Variants in PCDH15 observed in about 807,000 individuals in gnomAD.
The protein encoded by PCDH15 is protocadherin related 15.
In PCDH15, 129 loss-of-function variants were observed where a neutral mutation model predicts 178.5. The observed-to-expected ratio is 0.72, with a 90% CI of 0.63 to 0.84. The LOEUF is 0.84. Among genes scored for constraint, PCDH15 ranks in the 40% least tolerant of loss-of-function variants. PCDH15 has a pLI of 0.00. For synonymous variants in PCDH15, 800 were observed against 732.0 expected (o/e 1.09, Z -1.50); for missense variants, 2,230 against 2,099.9 (o/e 1.06, Z -1.21).
At chr10:55,204,585 T>C (rs1386576313) in intron 1 of PCDH15, among the ~76,000 whole-genome samples, 1 of 152,000 alleles carries the variant, frequency 6.6e-6, no homozygotes, top group East Asian at 1.9e-4. Flanking sequence ...CTGCTAAAGG[T>C]CTATAAGACC....
At chr10:55,624,544 T>A (rs988519080) in intron 2 of PCDH15, among the ~76,000 whole-genome samples, 1 of 152,182 alleles carries the variant, frequency 6.6e-6, no homozygotes, top group African/African-American at 2.4e-5. Context: ...TCTATTGATA[T>A]GTGATGCTGC....
chr10:54,298,989 T>C (rs540160424), intron 8 of PCDH15, among the ~76,000 whole-genome samples: 1 of 152,316 alleles, frequency 6.6e-6, no homozygotes, highest in African/African-American at 2.4e-5. Flanking sequence ...GGAACCCCCA[T>C]TAAATACCAC....
At chr10:54,650,504 G>A (rs368473821) in intron 2 of PCDH15, among the ~76,000 whole-genome samples, 19 of 152,248 alleles carry the variant, frequency 1.2e-4, no homozygotes, top group East Asian at 9.7e-4. Flanking sequence ...GTTACTATTA[G>A]TGACTGATGC....
chr10:53,960,473 C>T (rs1331588333), intron 22 of PCDH15, among the ~76,000 whole-genome samples: 2 of 152,208 alleles, frequency 1.3e-5, no homozygotes, highest in East Asian at 1.9e-4. Context: ...TAAGAAAAAG[C>T]TTTAGTGTTG....
chr10:55,499,752 C>CAGAA (rs1840614440), intron 2 of PCDH15, among the ~76,000 whole-genome samples: 2 of 151,658 alleles, frequency 1.3e-5, no homozygotes, highest in South Asian at 4.2e-4. Flanking sequence ...AAATAAAACT[C>CAGAA]TTCTAAGTTT....
In PCDH15 at chr10:54,337,268, T is replaced by TA. The variant is rs559738432; in HGVS notation, c.595-7563dup. Among the ~76,000 whole-genome samples, 871 of 152,206 alleles carry TA rather than the reference T, an allele frequency of 5.7e-3. 9 individuals are homozygous for TA. The highest frequency in any genetic ancestry group is 0.019 in the African/African-American group (797 of 41,524). On this transcript the variant is annotated intron_variant, in intron 6 of 37. Transcript: ENST00000644397. ...CTTTTGAGTTAATGATGAAATGAGT[T>TA]AAAACTTTGAGGGACTGTTGGTAAG...
chr10:54,490,595 T>C (rs1281777473), intron 3 of PCDH15, among the ~76,000 whole-genome samples: 1 of 152,150 alleles, frequency 6.6e-6, no homozygotes, highest in Non-Finnish European at 1.5e-5. Context: ...CACAGGTTTT[T>C]AAACTTTGCC....
chr10:55,514,897 C>A (rs1156318814), intron 2 of PCDH15, among the ~76,000 whole-genome samples: 1 of 149,618 alleles, frequency 6.7e-6, no homozygotes, highest in African/African-American at 2.5e-5. Context: ...CTTAGGTGGA[C>A]AATAGGACTG....
intron 2 of PCDH15, among the ~76,000 whole-genome samples, chr10:55,506,800 A>G (rs1020124431): frequency 4.0e-5 from 6 of 151,504 alleles, no homozygotes; most frequent in African/African-American, 1.2e-4. Flanking sequence ...AGTGGTGTCT[A>G]GTTCTCAATT....
chr10:55,069,248 GTTTTTT>G (rs80094733), intron 2 of PCDH15, among the ~76,000 whole-genome samples: 1 of 129,692 alleles, frequency 7.7e-6, no homozygotes, highest in Admixed American at 7.8e-5. Flanking sequence ...CTGGTATTTT[GTTTTTT>G]TTTTTTTTTT....
intron 2 of PCDH15, among the ~76,000 whole-genome samples, chr10:55,579,603 T>C (rs1210553251): frequency 1.3e-5 from 2 of 152,188 alleles, no homozygotes; most frequent in African/African-American, 2.4e-5. Context: ...TTAGGTATTA[T>C]GGAAGGAAGC....
intron 2 of PCDH15, among the ~76,000 whole-genome samples, chr10:55,504,597 G>C (rs1315040529): frequency 6.6e-6 from 1 of 150,974 alleles, no homozygotes; most frequent in Non-Finnish European, 1.5e-5. Flanking sequence ...AAACGAAGAA[G>C]TAGAATTTTT....
intron 6 of PCDH15, among the ~76,000 whole-genome samples, chr10:54,330,864 T>C (rs1293627276): frequency 6.6e-6 from 1 of 151,996 alleles, no homozygotes; most frequent in Admixed American, 6.6e-5. Flanking sequence ...GTTATTTTGT[T>C]CACTGAAATT....
chr10:54,688,460 G>T (rs929998707), intron 1 of PCDH15, among the ~76,000 whole-genome samples: 6 of 152,068 alleles, frequency 3.9e-5, no homozygotes, highest in Non-Finnish European at 7.4e-5. Flanking sequence ...TCTCACAGAA[G>T]TAGAATAAAC....
intron 5 of PCDH15, among the ~76,000 whole-genome samples, chr10:54,346,936 G>C (rs915322673): frequency 7.2e-5 from 11 of 152,238 alleles, no homozygotes; most frequent in African/African-American, 2.7e-4. Context: ...GTTTGAGAAA[G>C]AGAAATTGGA....
intron 8 of PCDH15, among the ~76,000 whole-genome samples, chr10:54,303,432 A>T (rs921972859): frequency 1.3e-5 from 2 of 152,070 alleles, no homozygotes; most frequent in African/African-American, 4.8e-5. Flanking sequence ...GTGTATATAT[A>T]TGCATATATA....
chr10:55,059,087 A>G (rs1248887941), intron 2 of PCDH15, among the ~76,000 whole-genome samples: 1 of 152,192 alleles, frequency 6.6e-6, no homozygotes, highest in Non-Finnish European at 1.5e-5. Flanking sequence ...CTGCTGCAAC[A>G]TGGTCACTGG....
At position 54,436,118 on chromosome 10, in the gene PCDH15, GGAAA is replaced by G. The variant is rs546608958; in HGVS notation, c.158-57180_158-57177del. On this transcript the variant is annotated intron_variant, in intron 3 of 37. Transcript: ENST00000644397. ...GGGAAGGAGGGAAGGAAGGAAAGAA[GGAAA>G]GAAAGAAAGAAAAAGAAAGAAAGAA... is the stretch of plus-strand genomic sequence containing the variant. Among the ~76,000 whole-genome samples the G allele has an allele frequency of 6.5e-3, 918 of 141,670 alleles. 2 individuals carry two copies. Among genetic ancestry groups the G allele is most frequent in the Non-Finnish European group, 9.5e-3 (626 of 65,566 alleles). The allele number at this position is 141,670 out of a possible 152,430, so 92.9% of individuals were successfully genotyped here.
chr10:54,159,791 A>C (rs1329928328), intron 13 of PCDH15, among the ~76,000 whole-genome samples: 2 of 152,204 alleles, frequency 1.3e-5, no homozygotes, highest in Non-Finnish European at 2.9e-5. Context: ...TAAGTAAAAA[A>C]ATACAGATAA....
Sources: gnomAD v4.1 joint callset for allele counts (sites outside exome capture counted in the v4.1 genomes callset) on GRCh38, gnomAD v4.1.1 for gene constraint, MANE v1.5 for transcripts, NCBI Gene and HGNC (gene_info 2026-07-23, HGNC 2026-07-21) for gene names.